The following STARD13 variants were observed in gnomAD, a reference collection of about 807,000 sequenced individuals.
STARD13 encodes the protein stAR-related lipid transfer protein 13.
A neutral mutation model predicts 106.4 loss-of-function variants in STARD13; 62 were observed. That is an observed-to-expected ratio of 0.58 (90% CI 0.48 to 0.72). The LOEUF is 0.72. STARD13 is among the 30% of genes least tolerant of loss of function. The probability of loss-of-function intolerance (pLI) is 0.00; values close to 1 mark genes in which losing one functional copy is unlikely to be tolerated. For synonymous variants in STARD13, 565 were observed against 553.0 expected (o/e 1.02, Z -0.31); for missense variants, 1,387 against 1,424.0 (o/e 0.97, Z 0.42).
chr13:33,332,388 T>C (rs960352005), intron 1 of STARD13, among the ~76,000 whole-genome samples: 1 of 152,088 alleles, frequency 6.6e-6, no homozygotes, highest in Non-Finnish European at 1.5e-5. Flanking sequence ...AGTTTGATGG[T>C]ATTGGGAGAT....
intron 1 of STARD13, among the ~76,000 whole-genome samples, chr13:33,332,746 GTTT>G (rs1225493224): frequency 6.6e-6 from 1 of 151,936 alleles, no homozygotes. Context: ...TACATTTTTT[GTTT>G]TTTCTTCATA....
the STARD13 span, among the ~76,000 whole-genome samples, chr13:33,544,949 TTTTATTTA>T: frequency 2.3e-4 from 35 of 150,922 alleles, no homozygotes; most frequent in African/African-American, 7.8e-4. Flanking sequence ...AATTTTTTTG[TTTTATTTA>T]TTTATTTATT....
the STARD13 span, among the ~76,000 whole-genome samples, chr13:33,594,254 C>A: frequency 1.3e-5 from 2 of 152,260 alleles, 1 homozygote; most frequent in East Asian, 3.9e-4. Context: ...ATACCCATTA[C>A]ATCTGAAACT....
At chr13:33,644,669 C>T in the STARD13 span, among the ~76,000 whole-genome samples, 3 of 152,134 alleles carry the variant, frequency 2.0e-5, no homozygotes, top group Non-Finnish European at 4.4e-5. Context: ...TGTTCTTCCA[C>T]TCCAAGCCTA....
intron 1 of STARD13, among the ~76,000 whole-genome samples, chr13:33,198,331 C>T (rs1886785434): frequency 6.6e-6 from 1 of 152,080 alleles, no homozygotes; most frequent in Non-Finnish European, 1.5e-5. Flanking sequence ...CCCACACTGC[C>T]CAACTCACTA....
chr13:33,155,280 CAGG>C (rs887443477), intron 3 of STARD13, among the ~76,000 whole-genome samples: 1 of 152,148 alleles, frequency 6.6e-6, no homozygotes, highest in African/African-American at 2.4e-5. Flanking sequence ...CTGCTCAAAC[CAGG>C]AGGACTCAGC....
chr13:33,547,359 A>G, the STARD13 span, among the ~76,000 whole-genome samples: 1 of 152,176 alleles, frequency 6.6e-6, no homozygotes, highest in African/African-American at 2.4e-5. Flanking sequence ...GAACATTCCT[A>G]CTGTACAAAA....
At chr13:33,335,296 T>C (rs558552744) in intron 1 of STARD13, 13 of 152,352 alleles carry the variant, frequency 8.5e-5, no homozygotes, top group African/African-American at 2.9e-4. Flanking sequence ...AGGATCACCA[T>C]TAATCCCCAT....
At chr13:33,641,345 A>T in the STARD13 span, among the ~76,000 whole-genome samples, 1 of 152,296 alleles carries the variant, frequency 6.6e-6, no homozygotes, top group South Asian at 2.1e-4. Flanking sequence ...CCTCCCAAAG[A>T]CTGCTGGGTT....
At chr13:33,208,301 G>A (rs1212366632) in intron 1 of STARD13, among the ~76,000 whole-genome samples, 1 of 152,120 alleles carries the variant, frequency 6.6e-6, no homozygotes, top group Non-Finnish European at 1.5e-5. Flanking sequence ...TAGCATGAGG[G>A]TACACAGGCA....
At chr13:33,627,376 C>T in the STARD13 span, among the ~76,000 whole-genome samples, 1,667 of 152,226 alleles carry the variant, frequency 0.011, 19 homozygotes, top group East Asian at 0.035. Flanking sequence ...TGGTGGCTCA[C>T]GTCTGTAATC....
intron 1 of STARD13, among the ~76,000 whole-genome samples, chr13:33,241,788 A>C (rs1006718832): frequency 5.9e-5 from 9 of 152,154 alleles, no homozygotes; most frequent in Admixed American, 2.6e-4. Context: ...GTGATCTGCC[A>C]GCCTCAGCCT....
Position 33,110,832 on chromosome 13 carries a change from A to C in STARD13, c.2683T>G (p.Leu895Val), listed in dbSNP as rs751820284. ...AEIHVPTLEELGTQLEESGAT... is the reference protein window; with the variant it reads ...AEIHVPTLEEVGTQLEESGAT... Reference sequence around the variant, plus strand: ...CCACTCTCCTCCAGCTGTGTCCCCAATTCTTCCAGGGTTGGCACGTGGATC... The same window carrying C: ...CCACTCTCCTCCAGCTGTGTCCCCACTTCTTCCAGGGTTGGCACGTGGATC... The change falls in exon 11 of 14, where the codon TTG becomes GTG. Residue 895 changes from leucine to valine, a missense_variant. Physicochemically the swap from Leu to Val is conservative, Grantham distance 32 (BLOSUM62 1). Coordinates refer to ENST00000336934, the MANE Select transcript of STARD13 (RefSeq NM_178006.4). 6.2e-7 allele frequency: 1 copy of C among 1,614,010 alleles called. No individual in the cohort carries two copies. Among genetic ancestry groups the C allele is most frequent in the Non-Finnish European group, 8.5e-7 (1 of 1,180,036 alleles).
the STARD13 span, among the ~76,000 whole-genome samples, chr13:33,437,651 T>A: frequency 6.6e-6 from 1 of 152,228 alleles, no homozygotes; most frequent in East Asian, 1.9e-4. Context: ...AAAGGGGGGA[T>A]GACTGTAATT....
rs555728642 is a variant in STARD13 at position 33,317,556 on chromosome 13, G to A, written c.124+32734C>T. Among the ~76,000 whole-genome samples, 6 of 152,170 alleles carry A rather than the reference G, an allele frequency of 3.9e-5. No homozygotes were observed. The South Asian group carries it at 1.2e-3, about 32-fold the overall frequency. On this transcript the variant is annotated intron_variant, in intron 1 of 5. Coordinates refer to the STARD13 transcript ENST00000567873. The stretch of plus-strand genomic sequence containing the variant: ...GAACACTCATCCCCCTGATCTAAGA[G>A]GCCAATTACCTCCTTTCATCTAGAT...
the STARD13 span, among the ~76,000 whole-genome samples, chr13:33,645,375 C>A: frequency 6.6e-6 from 1 of 152,140 alleles, no homozygotes; most frequent in Non-Finnish European, 1.5e-5. Flanking sequence ...GCCAAGCTAC[C>A]AGATGATGTG....
Position 33,276,499 on chromosome 13 carries a change from A to G in STARD13, c.169+8971T>C, listed in dbSNP as rs991515786. 1.8e-4 allele frequency among the ~76,000 whole-genome samples: 28 copies of G among 152,212 alleles called. 1 individual carries two copies. The highest frequency in any genetic ancestry group is 1.8e-3 in the Admixed American group (27 of 15,282). On this transcript the variant is annotated intron_variant, in intron 1 of 13. Coordinates refer to ENST00000336934, the MANE Select transcript of STARD13 (RefSeq NM_178006.4). ...CTTATAATAATTTTACATATTATAC[A>G]TAATTTCAGGGTGGTATAACTCTCA...
the STARD13 span, among the ~76,000 whole-genome samples, chr13:33,550,716 C>G: frequency 1.3e-5 from 2 of 152,164 alleles, no homozygotes; most frequent in Non-Finnish European, 2.9e-5. Context: ...TTCAGCATAC[C>G]ATTAAGTGGC....
the STARD13 span, among the ~76,000 whole-genome samples, chr13:33,660,213 A>ATGGGGGTT: frequency 6.6e-6 from 1 of 152,156 alleles, no homozygotes; most frequent in Non-Finnish European, 1.5e-5. Flanking sequence ...TCTTAGCTGA[A>ATGGGGGTT]TTCATGTTTT....
Sources: allele counts gnomAD v4.1 joint callset (sites outside exome capture counted in the v4.1 genomes callset), GRCh38; gene constraint gnomAD v4.1.1; transcripts MANE v1.5; gene names NCBI Gene and HGNC (gene_info 2026-07-23, HGNC 2026-07-21).